Variants in LRP1B observed in about 807,000 individuals in gnomAD.
LRP1B encodes the protein low-density lipoprotein receptor-related protein 1B.
A neutral mutation model predicts 556.6 loss-of-function variants in LRP1B; 217 were observed. The observed-to-expected ratio is 0.39, with a 90% CI of 0.35 to 0.44. The LOEUF (loss-of-function observed/expected upper bound fraction) is 0.44. LRP1B is among the 20% of genes least tolerant of loss of function. The pLI is 1.00. For missense variants in LRP1B, 5,053 were observed against 5,620.8 expected (o/e 0.90, Z 3.23); for synonymous variants, 2,047 against 1,865.8 (o/e 1.10, Z -2.50).
chr2:140,734,750 A>C (rs1041578620), intron 35 of LRP1B, among the ~76,000 whole-genome samples: 1 of 152,086 alleles, frequency 6.6e-6, no homozygotes, highest in African/African-American at 2.4e-5. Flanking sequence ...TGTGTGAAGC[A>C]GATACTAACG....
chr2:140,648,344 G>A (rs1381495824), intron 41 of LRP1B, among the ~76,000 whole-genome samples: 2 of 152,128 alleles, frequency 1.3e-5, no homozygotes, highest in East Asian at 1.9e-4. Flanking sequence ...TGTAGATGAC[G>A]AGTTAATGGG....
rs1459266114 is a variant in LRP1B, at chr2:141,965,812, AAG to A, written c.83-155413_83-155412del. On this transcript the variant is annotated intron_variant, in intron 1 of 90. Transcript: ENST00000389484. ...AAATATGTATCCAAAAAAAAAAAAA[AAG>A]AAAATTGTTTTTTTTTTAAGAAAAT... Among the ~76,000 whole-genome samples the A allele has an allele frequency of 2.0e-4, 30 of 148,520 alleles. 1 individual carries two copies. In the East Asian group the frequency reaches 5.8e-3, roughly 28 times the overall value.
chr2:141,686,841 G>C (rs1209721029), intron 2 of LRP1B, among the ~76,000 whole-genome samples: 1 of 151,838 alleles, frequency 6.6e-6, no homozygotes, highest in Admixed American at 6.6e-5. Context: ...TTTATAGGAA[G>C]AGGAAGACAG....
intron 35 of LRP1B, among the ~76,000 whole-genome samples, chr2:140,722,034 C>T (rs186085898): frequency 6.6e-6 from 1 of 152,232 alleles, no homozygotes; most frequent in East Asian, 1.9e-4. Context: ...AGTATCTCTT[C>T]TCTTCCCCTG....
intron 3 of LRP1B, among the ~76,000 whole-genome samples, chr2:141,289,093 T>G (rs1406411758): frequency 6.6e-6 from 1 of 150,948 alleles, no homozygotes; most frequent in East Asian, 1.9e-4. Flanking sequence ...TCTTAAAGAA[T>G]GCAAATGCGG....
chr2:140,346,423 A>G (rs571801527), intron 77 of LRP1B, among the ~76,000 whole-genome samples: 21 of 151,986 alleles, frequency 1.4e-4, no homozygotes, highest in Non-Finnish European at 2.8e-4. Flanking sequence ...ATTATCACTT[A>G]CCTGAGTCAA....
intron 3 of LRP1B, among the ~76,000 whole-genome samples, chr2:141,316,659 G>C (rs1341302008): frequency 6.6e-6 from 1 of 152,112 alleles, no homozygotes; most frequent in African/African-American, 2.4e-5. Flanking sequence ...AGCATTGAAG[G>C]GTACATAAAG....
chr2:142,015,991 C>CAAAAAAAAAAAAAA lies in LRP1B; in HGVS notation c.82+114643_82+114656dup, dbSNP rs70994471. On this transcript the variant is annotated intron_variant, in intron 1 of 90. Coordinates refer to ENST00000389484, the MANE Select transcript of LRP1B (RefSeq NM_018557.3). ...TGGGCAACAGCGCGAGACTCCATCT[C>CAAAAAAAAAAAAAA]AAAAAAAAAAAAAAAAAAAAAGTGG... 8.2e-4 allele frequency among the ~76,000 whole-genome samples: 32 copies of CAAAAAAAAAAAAAA among 38,790 alleles called. 3 individuals carry two copies. The highest frequency in any genetic ancestry group is 2.9e-3 in the East Asian group (2 of 694). 25.4% of individuals were successfully genotyped at this position (38,790 alleles called of 152,430 possible).
At chr2:140,352,861 G>T in intron 76 of LRP1B, 92 bp downstream of exon 76, 1 of 1,220,440 alleles carries the variant, frequency 8.2e-7, no homozygotes, top group Non-Finnish European at 1.2e-6. Context: ...CAGAAATGAA[G>T]CTGTTGCTGG....
chr2:141,830,252 C>G (rs1194704968), intron 1 of LRP1B, among the ~76,000 whole-genome samples: 2 of 151,804 alleles, frequency 1.3e-5, no homozygotes, highest in Admixed American at 6.6e-5. Flanking sequence ...TAACAGGACT[C>G]ACTCCCAGTG....
chr2:141,573,862 T>G (rs1686629929), intron 2 of LRP1B, among the ~76,000 whole-genome samples: 1 of 152,124 alleles, frequency 6.6e-6, no homozygotes, highest in African/African-American at 2.4e-5. Context: ...ATGGATGAAT[T>G]GCTGGACAAA....
intron 1 of LRP1B, among the ~76,000 whole-genome samples, chr2:141,837,849 A>T (rs1697337749): frequency 2.0e-5 from 3 of 152,184 alleles, no homozygotes; most frequent in Admixed American, 2.0e-4. Context: ...TTCTTCATTT[A>T]AAATGCAGCT....
At chr2:140,496,683 A>G (rs1479019517) in intron 55 of LRP1B, among the ~76,000 whole-genome samples, 1 of 152,016 alleles carries the variant, frequency 6.6e-6, no homozygotes, top group Non-Finnish European at 1.5e-5. Flanking sequence ...TTCTGTTCTC[A>G]GTCCCTGCCA....
At chr2:141,076,305 G>C (rs1489881049) in intron 7 of LRP1B, among the ~76,000 whole-genome samples, 2 of 152,184 alleles carry the variant, frequency 1.3e-5, no homozygotes, top group African/African-American at 4.8e-5. Context: ...ATGAGCTTCA[G>C]GGGTTCCATC....
chr2:141,124,664 G>GAAAAAAAAAAAAAAAAAAAA (rs570765407), intron 7 of LRP1B, among the ~76,000 whole-genome samples: 1 of 73,680 alleles, frequency 1.4e-5, no homozygotes, highest in Non-Finnish European at 3.2e-5. Flanking sequence ...AGTGACAAAT[G>GAAAAAAAAAAAAAAAAAAAA]AAAAAAAAAA....
chr2:140,633,654 A>T (rs1484841626), intron 41 of LRP1B, among the ~76,000 whole-genome samples: 2 of 152,170 alleles, frequency 1.3e-5, no homozygotes, highest in Admixed American at 6.5e-5. Context: ...GTTGCCAAGG[A>T]CATTGAAAGA....
intron 11 of LRP1B, among the ~76,000 whole-genome samples, chr2:141,047,708 G>A (rs868835715): frequency 1.3e-5 from 2 of 151,660 alleles, no homozygotes; most frequent in African/African-American, 4.9e-5. Context: ...TTTCACTTTC[G>A]ACTCTCTTGT....
chr2:140,587,985 G>A (rs182530877), intron 43 of LRP1B, among the ~76,000 whole-genome samples: 1 of 152,216 alleles, frequency 6.6e-6, no homozygotes, highest in Admixed American at 6.5e-5. Context: ...CCTATGCCAA[G>A]TGAAAATATC....
chr2:141,391,331 C>T (rs1251663380), intron 3 of LRP1B, among the ~76,000 whole-genome samples: 1 of 151,994 alleles, frequency 6.6e-6, no homozygotes, highest in African/African-American at 2.4e-5. Context: ...AAATGAGGAA[C>T]TAAATGGAGA....
Sources: gnomAD v4.1 joint callset for allele counts (sites outside exome capture counted in the v4.1 genomes callset) on GRCh38, gnomAD v4.1.1 for gene constraint, MANE v1.5 for transcripts, NCBI Gene and HGNC (gene_info 2026-07-23, HGNC 2026-07-21) for gene names.